The following ZNF277 variants were observed in gnomAD, a reference collection of about 807,000 sequenced individuals.
ZNF277 encodes the protein nuclear receptor-interacting factor 4.
Under a neutral mutation model 60.7 loss-of-function variants are expected in ZNF277, and 55 were observed. That is an observed-to-expected ratio of 0.91 (90% CI 0.73 to 1.13). The LOEUF is 1.13. ZNF277 is among the 50% of genes most tolerant of loss of function. ZNF277 has a pLI of 0.00. For synonymous variants in ZNF277, 178 were observed against 179.3 expected, an observed-to-expected ratio of 0.99 and a Z score of 0.06; for missense variants, 510 against 523.0, an observed-to-expected ratio of 0.98 and a Z score of 0.24.
In ZNF277 at chr7:112,304,939, C is replaced by G. The variant is rs556240849; in HGVS notation, c.465+8628C>G. ...AGATCTCAAAGGATCTGGCACATGC[C>G]TCTCTGAGCCACTCTCCCACGTCTC... is the stretch of plus-strand genomic sequence containing the variant. On this transcript the variant is annotated intron_variant, in intron 4 of 11. Transcript: ENST00000361822. 2.0e-5 allele frequency among the ~76,000 whole-genome samples: 3 copies of G among 152,216 alleles called. No homozygotes were observed. In the East Asian group the frequency reaches 5.8e-4, roughly 29 times the overall value.
At chr7:112,337,967 C>A in intron 9 of ZNF277, 141 bp downstream of exon 9, 1 of 641,924 alleles carries the variant, frequency 1.6e-6, no homozygotes, top group Non-Finnish European at 2.6e-6. Flanking sequence ...TCAGGGAGAA[C>A]CAGAGCTCAG....
At chr7:112,333,702 A>T (rs1793274027) in intron 7 of ZNF277, among the ~76,000 whole-genome samples, 1 of 152,232 alleles carries the variant, frequency 6.6e-6, no homozygotes, top group Admixed American at 6.5e-5. Flanking sequence ...CTTAGGTGAG[A>T]TAATTTCTGT....
intron 1 of ZNF277, among the ~76,000 whole-genome samples, chr7:112,212,437 G>A (rs1362592269): frequency 6.6e-6 from 1 of 152,206 alleles, no homozygotes; most frequent in Non-Finnish European, 1.5e-5. Context: ...TTTATTATAT[G>A]TGCTGCCACA....
chr7:112,232,977 C>A (rs1822380906), intron 1 of ZNF277, among the ~76,000 whole-genome samples: 1 of 152,202 alleles, frequency 6.6e-6, no homozygotes, highest in South Asian at 2.1e-4. Context: ...TCACCAACTC[C>A]TGCTCATTCC....
At chr7:112,338,010 A>G (rs960571175) in intron 9 of ZNF277, among the ~76,000 whole-genome samples, 184 bp downstream of exon 9, 9 of 152,188 alleles carry the variant, frequency 5.9e-5, no homozygotes, top group African/African-American at 2.2e-4. Context: ...ACTGGACCCG[A>G]GTGAGCTGTT....
At chr7:112,280,274 T>C (rs982183294) in intron 1 of ZNF277, among the ~76,000 whole-genome samples, 3 of 152,138 alleles carry the variant, frequency 2.0e-5, no homozygotes, top group South Asian at 4.1e-4. Context: ...TATGTGCACA[T>C]TGAAGAAGTA....
intron 4 of ZNF277, among the ~76,000 whole-genome samples, chr7:112,296,927 T>A (rs1353229451): frequency 0.083 from 6,915 of 82,896 alleles, 527 homozygotes; most frequent in East Asian, 0.2. Context: ...TTTTTTTTTT[T>A]TTTTTTTTTT....
intron 2 of ZNF277, among the ~76,000 whole-genome samples, chr7:112,290,985 G>A (rs1181802041): frequency 6.6e-6 from 1 of 152,106 alleles, no homozygotes; most frequent in East Asian, 1.9e-4. Context: ...ATAAATAAGA[G>A]ATGGACTTAC....
At chr7:112,238,611 C>T (rs1377132042) in intron 1 of ZNF277, among the ~76,000 whole-genome samples, 1 of 151,980 alleles carries the variant, frequency 6.6e-6, no homozygotes, top group Admixed American at 6.6e-5. Context: ...CCACCCCAAC[C>T]CTATGCATCA....
At chr7:112,261,507 T>A (rs1791438422) in intron 1 of ZNF277, among the ~76,000 whole-genome samples, 1 of 152,150 alleles carries the variant, frequency 6.6e-6, no homozygotes, top group Non-Finnish European at 1.5e-5. Context: ...CATTTCTTGC[T>A]TTTTCTGTGA....
At chr7:112,244,982 G>GT (rs35831967) in intron 1 of ZNF277, among the ~76,000 whole-genome samples, 2 of 151,720 alleles carry the variant, frequency 1.3e-5, no homozygotes, top group Non-Finnish European at 2.9e-5. Context: ...CACAAATCCT[G>GT]TTTTTTTTCT....
At chr7:112,301,999 A>C (rs1414979439) in intron 4 of ZNF277, among the ~76,000 whole-genome samples, 1 of 152,084 alleles carries the variant, frequency 6.6e-6, no homozygotes, top group Non-Finnish European at 1.5e-5. Flanking sequence ...AAAAATCCTC[A>C]GTTTTTCCTT....
At chr7:112,224,990 T>C (rs1448245629) in intron 1 of ZNF277, among the ~76,000 whole-genome samples, 3 of 151,956 alleles carry the variant, frequency 2.0e-5, no homozygotes, top group Admixed American at 1.3e-4. Context: ...AAAAGAAAAT[T>C]GTAAAAGCAA....
intron 1 of ZNF277, among the ~76,000 whole-genome samples, chr7:112,253,667 A>G (rs1400751783): frequency 6.6e-6 from 1 of 152,148 alleles, no homozygotes; most frequent in Non-Finnish European, 1.5e-5. Flanking sequence ...TATTGTACAT[A>G]ATAAAATCCT....
chr7:112,298,141 A>G (rs1239070412), intron 4 of ZNF277, among the ~76,000 whole-genome samples: 1 of 152,346 alleles, frequency 6.6e-6, no homozygotes, highest in Non-Finnish European at 1.5e-5. Flanking sequence ...CATATCATAC[A>G]AGAGTGTACG....
chr7:112,224,114 G>A (rs1175066039), intron 1 of ZNF277, among the ~76,000 whole-genome samples: 1 of 152,180 alleles, frequency 6.6e-6, no homozygotes. Context: ...AGATCTGGTA[G>A]CGGGTAGTAT....
rs2035040196 is a variant in ZNF277, at chr7:112,276,098, G to T, written c.92-10775G>T. Among the ~76,000 whole-genome samples the T allele has an allele frequency of 3.3e-5, 5 of 152,164 alleles. 1 individual carries two copies. Among genetic ancestry groups the T allele is most frequent in the Non-Finnish European group, 1.5e-5 (1 of 68,018 alleles). ...CCACCTCAAGTCTACCAGATGGTTT[G>T]TTGCTGAGTCCATTTTTTAGTAGCT... On this transcript the variant is annotated intron_variant, in intron 1 of 11. Transcript: ENST00000361822.
intron 1 of ZNF277, among the ~76,000 whole-genome samples, chr7:112,260,586 T>C (rs1791419574): frequency 6.6e-6 from 1 of 152,216 alleles, no homozygotes; most frequent in South Asian, 2.1e-4. Context: ...TTATGTAACA[T>C]CAACGTATAT....
chr7:112,331,759 C>T (rs1426985519), intron 7 of ZNF277, among the ~76,000 whole-genome samples: 1 of 152,204 alleles, frequency 6.6e-6, no homozygotes, highest in Non-Finnish European at 1.5e-5. Context: ...AATGCTGCTT[C>T]AGGACCCAGC....
Sources: allele counts gnomAD v4.1 joint callset (sites outside exome capture counted in the v4.1 genomes callset), GRCh38; gene constraint gnomAD v4.1.1; transcripts MANE v1.5; gene names NCBI Gene and HGNC (gene_info 2026-07-23, HGNC 2026-07-21).